The following KCNT2 variants were observed in gnomAD, a reference collection of about 807,000 sequenced individuals.
The protein encoded by KCNT2 is potassium channel subfamily T member 2.
A neutral mutation model predicts 153.8 loss-of-function variants in KCNT2; 67 were observed. The ratio of observed to expected loss-of-function variants is 0.44; its 90% CI spans 0.36 to 0.53. The LOEUF (loss-of-function observed/expected upper bound fraction) is 0.53. Among genes scored for constraint, KCNT2 ranks in the 20% least tolerant of loss-of-function variants. The probability of loss-of-function intolerance (pLI) is 0.00; values close to 1 mark genes in which losing one functional copy is unlikely to be tolerated. For missense variants in KCNT2, 975 were observed against 1,354.8 expected (o/e 0.72, Z 4.40); for synonymous variants, 500 against 458.8 (o/e 1.09, Z -1.15).
chr1:196,594,145 G>GAGCA (rs1274869153), intron 1 of KCNT2, among the ~76,000 whole-genome samples: 7 of 151,970 alleles, frequency 4.6e-5, no homozygotes, highest in Non-Finnish European at 1.0e-4. Context: ...GCAGATTGAT[G>GAGCA]GTTTTCACTG....
intron 1 of KCNT2, among the ~76,000 whole-genome samples, chr1:196,510,563 A>G (rs1430644105): frequency 6.6e-6 from 1 of 152,250 alleles, no homozygotes; most frequent in East Asian, 1.9e-4. Context: ...TCTGGATACA[A>G]TTTATTTACA....
intron 1 of KCNT2, among the ~76,000 whole-genome samples, chr1:196,493,234 T>C (rs1679990283): frequency 6.6e-6 from 1 of 152,054 alleles, no homozygotes; most frequent in South Asian, 2.1e-4. Context: ...TGGATTTTAA[T>C]GTTTACGCAA....
At chr1:196,496,186 T>C (rs1377246490) in intron 1 of KCNT2, among the ~76,000 whole-genome samples, 1 of 152,118 alleles carries the variant, frequency 6.6e-6, no homozygotes, top group African/African-American at 2.4e-5. Context: ...AAATGATAGA[T>C]AGGCCAGGCA....
intron 26 of KCNT2, among the ~76,000 whole-genome samples, chr1:196,251,783 T>G (rs1655994841): frequency 6.6e-6 from 1 of 151,956 alleles, no homozygotes; most frequent in South Asian, 2.1e-4. Flanking sequence ...AGAAATAATA[T>G]ATGCTTGAGA....
chr1:196,417,296 C>G (rs1437226808), intron 12 of KCNT2, among the ~76,000 whole-genome samples: 3 of 152,020 alleles, frequency 2.0e-5, no homozygotes, highest in African/African-American at 7.2e-5. Context: ...ACCTGCTTAC[C>G]TCCTCACAAC....
rs1008012368 is a variant in KCNT2 at position 196,257,820 on chromosome 1, T to A, written c.3211+374A>T. 6 of 985,142 alleles carry A rather than the reference T, an allele frequency of 6.1e-6. No homozygotes were observed. The African/African-American group carries it at 7.0e-5, about 11-fold the overall frequency. The allele number at this position is 985,142 out of a possible 1,614,324, so 61.0% of individuals were successfully genotyped here. A position where few individuals can be genotyped will look rare whatever the true frequency, so the allele number is the denominator to read the frequency against. ...TGTGGCCAATACAATCAGTTACTTG[T>A]CAATGCCTCAAATTCATTTTATCTC... On this transcript the variant is annotated intron_variant, in intron 26 of 27. Transcript: ENST00000294725.
intron 11 of KCNT2, among the ~76,000 whole-genome samples, chr1:196,425,384 A>G (rs1032360985): frequency 1.3e-5 from 2 of 151,652 alleles, no homozygotes; most frequent in East Asian, 1.9e-4. Context: ...ACCCCAGGCA[A>G]CACAAGTGCT....
rs1661513633 is a variant in KCNT2, at chr1:196,305,179, T to A, written c.2595+55A>T. 7.8e-6 allele frequency: 8 copies of A among 1,026,982 alleles called. No individual in the cohort carries two copies. The East Asian group carries it at 2.0e-4, about 25-fold the overall frequency. The allele number at this position is 1,026,982 out of a possible 1,614,324, so 63.6% of individuals were successfully genotyped here. A position where few individuals can be genotyped will look rare whatever the true frequency, so the allele number is the denominator to read the frequency against. ...CATTTTTTTTATATATTTACAGAGT[T>A]AATTTCTGAATAAAGATGGTTAAAT... is the stretch of plus-strand genomic sequence containing the variant. On this transcript the variant is annotated intron_variant, in intron 22 of 27. Coordinates refer to ENST00000294725, the MANE Select transcript of KCNT2 (RefSeq NM_198503.5).
intron 12 of KCNT2, among the ~76,000 whole-genome samples, chr1:196,408,881 G>C (rs1166192051): frequency 6.6e-6 from 1 of 151,438 alleles, no homozygotes; most frequent in Non-Finnish European, 1.5e-5. Context: ...ATTAGATCAA[G>C]CTGGTGATAG....
At chr1:196,275,789 T>C (rs1437752434) in intron 25 of KCNT2, among the ~76,000 whole-genome samples, 1 of 152,016 alleles carries the variant, frequency 6.6e-6, no homozygotes, top group Non-Finnish European at 1.5e-5. Context: ...ATTTAATAAA[T>C]GTTCTTCATA....
intron 4 of KCNT2, 131 bp downstream of exon 4, chr1:196,482,200 C>A: frequency 1.6e-6 from 1 of 633,890 alleles, no homozygotes; most frequent in Non-Finnish European, 2.8e-6. Context: ...AATGTTAGTC[C>A]AAGATGTGCA....
chr1:196,285,197 A>T (rs566051676), intron 23 of KCNT2, among the ~76,000 whole-genome samples: 87 of 152,334 alleles, frequency 5.7e-4, no homozygotes, highest in Admixed American at 2.5e-3. Context: ...TTTTTCTAAA[A>T]TAGGCAATAA....
intron 1 of KCNT2, among the ~76,000 whole-genome samples, chr1:196,565,108 C>T (rs1387943370): frequency 6.9e-6 from 1 of 144,342 alleles, no homozygotes; most frequent in African/African-American, 2.5e-5. Context: ...GAAAAAAAAA[C>T]AAATCAATAG....
intron 5 of KCNT2, among the ~76,000 whole-genome samples, chr1:196,474,031 A>C (rs910079463): frequency 6.6e-6 from 1 of 152,122 alleles, no homozygotes; most frequent in African/African-American, 2.4e-5. Context: ...AGTCCTCTCT[A>C]TGTTCCTTTT....
chr1:196,244,392 C>A (rs1655235753), intron 26 of KCNT2, among the ~76,000 whole-genome samples: 1 of 152,098 alleles, frequency 6.6e-6, no homozygotes, highest in Non-Finnish European at 1.5e-5. Context: ...ACCAAGTGGG[C>A]TTTTACTGTC....
intron 1 of KCNT2, among the ~76,000 whole-genome samples, chr1:196,585,488 CTT>C (rs1426959735): frequency 6.6e-6 from 1 of 152,012 alleles, no homozygotes; most frequent in South Asian, 2.1e-4. Context: ...AATGAATTCT[CTT>C]TGTCATTCCA....
chr1:196,487,463 T>C (rs1303760105), intron 3 of KCNT2, among the ~76,000 whole-genome samples: 1 of 151,582 alleles, frequency 6.6e-6, no homozygotes, highest in Non-Finnish European at 1.5e-5. Flanking sequence ...TGTGTGTGTA[T>C]GTTTGTGTAT....
intron 12 of KCNT2, among the ~76,000 whole-genome samples, chr1:196,420,603 G>T (rs979950397): frequency 6.6e-6 from 1 of 151,792 alleles, no homozygotes; most frequent in African/African-American, 2.4e-5. Context: ...CAGACACACA[G>T]ACACACACAG....
intron 14 of KCNT2, among the ~76,000 whole-genome samples, chr1:196,343,304 T>C (rs1008747423): frequency 4.6e-5 from 7 of 152,202 alleles, no homozygotes; most frequent in Non-Finnish European, 8.8e-5. Context: ...TTTAGAAATA[T>C]ATTAAAAATT....
Sources: allele counts gnomAD v4.1 joint callset (sites outside exome capture counted in the v4.1 genomes callset), GRCh38; gene constraint gnomAD v4.1.1; transcripts MANE v1.5; gene names NCBI Gene and HGNC (gene_info 2026-07-23, HGNC 2026-07-21).